The following PXDNL variants were observed in gnomAD, a reference collection of about 807,000 sequenced individuals.
PXDNL encodes peroxidasin like, also known as probable oxidoreductase PXDNL.
A neutral mutation model predicts 150.8 loss-of-function variants in PXDNL; 145 were observed. The observed-to-expected ratio is 0.96, with a 90% CI of 0.84 to 1.10. The LOEUF (loss-of-function observed/expected upper bound fraction) is 1.10. PXDNL is among the 50% of genes least tolerant of loss of function. The pLI is 0.00. For missense variants in PXDNL, 2,087 were observed against 1,873.9 expected, an observed-to-expected ratio of 1.11 and a Z score of -2.10; for synonymous variants, 757 against 725.7, an observed-to-expected ratio of 1.04 and a Z score of -0.69.
intron 5 of PXDNL, among the ~76,000 whole-genome samples, chr8:51,490,742 G>A (rs944112397): frequency 1.3e-5 from 2 of 151,242 alleles, no homozygotes; most frequent in African/African-American, 2.4e-5. Context: ...GTGTGTGTGT[G>A]TGTGTGTGTG....
intron 19 of PXDNL, among the ~76,000 whole-genome samples, chr8:51,370,711 C>T (rs138359631): frequency 0.013 from 1,991 of 152,322 alleles, 33 homozygotes; most frequent in African/African-American, 0.044. Context: ...ATTCTCTTGC[C>T]TTAGCCTCCC....
At chr8:51,695,774 C>G (rs1351486338) in intron 1 of PXDNL, among the ~76,000 whole-genome samples, 3 of 152,162 alleles carry the variant, frequency 2.0e-5, no homozygotes, top group East Asian at 3.9e-4. Context: ...ACTCTGAAAG[C>G]AAGTGAATGT....
chr8:51,377,143 C>CACACACACAA (rs966278135), intron 17 of PXDNL, among the ~76,000 whole-genome samples: 92 of 149,360 alleles, frequency 6.2e-4, no homozygotes, highest in African/African-American at 2.1e-3. Flanking sequence ...CACACACACA[C>CACACACACAA]AAAGCCAAAG....
chr8:51,371,336 A>G (rs115382476), intron 19 of PXDNL, among the ~76,000 whole-genome samples: 4,813 of 152,366 alleles, frequency 0.032, 202 homozygotes, highest in African/African-American at 0.094. Flanking sequence ...ACAGATGCTT[A>G]TAGAAGCACC....
chr8:51,695,092 T>G (rs1816087550), intron 1 of PXDNL, among the ~76,000 whole-genome samples: 1 of 152,156 alleles, frequency 6.6e-6, no homozygotes, highest in Non-Finnish European at 1.5e-5. Flanking sequence ...CTGGATACCT[T>G]CAGAGGCTGT....
chr8:51,507,349 G>A (rs971468896), intron 4 of PXDNL, among the ~76,000 whole-genome samples: 1 of 152,180 alleles, frequency 6.6e-6, no homozygotes, highest in Non-Finnish European at 1.5e-5. Flanking sequence ...GTAGAAAGTG[G>A]GGAGACAAAT....
intron 4 of PXDNL, among the ~76,000 whole-genome samples, chr8:51,520,275 C>A (rs117646409): frequency 0.012 from 1,792 of 152,264 alleles, 20 homozygotes; most frequent in Middle Eastern, 0.027. Context: ...CCTCTTCAAC[C>A]CAACTCTAGC....
At chr8:51,330,085 G>T (rs1805637017) in intron 21 of PXDNL, among the ~76,000 whole-genome samples, 1 of 152,128 alleles carries the variant, frequency 6.6e-6, no homozygotes, top group South Asian at 2.1e-4. Context: ...TTCCATTCAG[G>T]CCTGAACAAA....
chr8:51,503,925 A>G (rs755288983), intron 4 of PXDNL, among the ~76,000 whole-genome samples: 2 of 152,146 alleles, frequency 1.3e-5, no homozygotes, highest in Non-Finnish European at 2.9e-5. Context: ...AGGAACCTCA[A>G]ATCCAACATG....
chr8:51,534,124 C>T (rs946655347), intron 4 of PXDNL, among the ~76,000 whole-genome samples: 3 of 143,110 alleles, frequency 2.1e-5, no homozygotes, highest in African/African-American at 8.6e-5. Flanking sequence ...TGGGGAGCAC[C>T]TCTGCCCCGC....
chr8:51,774,351 A>T (rs1472311594), intron 1 of PXDNL, among the ~76,000 whole-genome samples: 1 of 152,230 alleles, frequency 6.6e-6, no homozygotes, highest in East Asian at 1.9e-4. Context: ...TTTACTAACT[A>T]TCATTTTTAA....
Position 51,731,592 on chromosome 8 carries a change from T to C in PXDNL, c.165-76832A>G, listed in dbSNP as rs61265509. 3.6e-3 allele frequency among the ~76,000 whole-genome samples: 551 copies of C among 152,342 alleles called. 5 individuals are homozygous for C. Among genetic ancestry groups the C allele is most frequent in the African/African-American group, 0.013 (520 of 41,582 alleles). On this transcript the variant is annotated intron_variant, in intron 1 of 22. Transcript: ENST00000356297. ...CTAGGACTCTGTGTGGGGGTTCCCA[T>C]TCCACATTCCCTTTTGCACTGTCCT...
intron 4 of PXDNL, among the ~76,000 whole-genome samples, chr8:51,519,757 CAAT>C (rs1423607292): frequency 1.3e-5 from 2 of 152,280 alleles, no homozygotes; most frequent in East Asian, 1.9e-4. Flanking sequence ...AAGGGGTAAA[CAAT>C]AATGAGAGAT....
At chr8:51,715,694 A>G (rs1816602479) in intron 1 of PXDNL, among the ~76,000 whole-genome samples, 1 of 152,228 alleles carries the variant, frequency 6.6e-6, no homozygotes. Flanking sequence ...CCCTCCAAAG[A>G]TCCTTATGAA....
chr8:51,739,258 A>C (rs1345280521), intron 1 of PXDNL, among the ~76,000 whole-genome samples: 1 of 152,166 alleles, frequency 6.6e-6, no homozygotes, highest in Non-Finnish European at 1.5e-5. Context: ...CAACCTGATA[A>C]AGAGCATCTA....
At chr8:51,607,946 AAG>A (rs1813878073) in intron 2 of PXDNL, among the ~76,000 whole-genome samples, 1 of 143,042 alleles carries the variant, frequency 7.0e-6, no homozygotes, top group Non-Finnish European at 1.5e-5. Flanking sequence ...AAGAGAGAGA[AAG>A]AAGAAAGAAA....
At chr8:51,432,933 C>T (rs373449283) in intron 12 of PXDNL, among the ~76,000 whole-genome samples, 2 of 108,022 alleles carry the variant, frequency 1.9e-5, no homozygotes, top group African/African-American at 4.0e-5. Context: ...TTCGGCCAGG[C>T]GCAGTGGCTC....
chr8:51,594,188 A>G (rs892157764), intron 2 of PXDNL, among the ~76,000 whole-genome samples: 5 of 152,240 alleles, frequency 3.3e-5, no homozygotes, highest in Non-Finnish European at 2.9e-5. Flanking sequence ...GTGTGTATAC[A>G]TACATATGTG....
intron 4 of PXDNL, among the ~76,000 whole-genome samples, chr8:51,552,242 C>G (rs1029305398): frequency 5.9e-5 from 9 of 151,818 alleles, no homozygotes; most frequent in African/African-American, 9.7e-5. Context: ...GGGGCAACCA[C>G]TAATACAACC....
Sources: gnomAD v4.1 joint callset for allele counts (sites outside exome capture counted in the v4.1 genomes callset) on GRCh38, gnomAD v4.1.1 for gene constraint, MANE v1.5 for transcripts, NCBI Gene and HGNC (gene_info 2026-07-23, HGNC 2026-07-21) for gene names.